SLC9B2: variants seen among roughly 807,000 people sequenced by gnomAD.
SLC9B2 encodes the protein solute carrier family 9 member B2.
A neutral mutation model predicts 52.2 loss-of-function variants in SLC9B2; 39 were observed. The observed-to-expected ratio is 0.75, with a 90% CI of 0.58 to 0.98. The LOEUF (loss-of-function observed/expected upper bound fraction) is 0.98, where lower values mean the gene tolerates loss of function less well. SLC9B2 is among the 50% of genes least tolerant of loss of function. The probability of loss-of-function intolerance (pLI) is 0.00; values close to 1 mark genes in which losing one functional copy is unlikely to be tolerated. For missense variants in SLC9B2, 626 were observed against 637.5 expected, an observed-to-expected ratio of 0.98 and a Z score of 0.19; for synonymous variants, 214 against 227.0, an observed-to-expected ratio of 0.94 and a Z score of 0.51.
At chr4:103,018,317 CCAGACTTCACCA>C (rs1251137791), downstream of SLC9B2, among the ~76,000 whole-genome samples, 1 of 152,082 alleles carries the variant, frequency 6.6e-6, no homozygotes, top group Non-Finnish European at 1.5e-5. Flanking sequence ...CTCTAAAAGC[CCAGACTTCACCA>C]CTGTGCAATA....
chr4:103,047,801 C>G (rs181850372), intron 6 of SLC9B2, among the ~76,000 whole-genome samples: 1 of 152,010 alleles, frequency 6.6e-6, no homozygotes, highest in Admixed American at 6.6e-5. Flanking sequence ...TCATTGACAA[C>G]TACAGTCTTT....
At chr4:103,056,412 T>A (rs576759072) in intron 4 of SLC9B2, among the ~76,000 whole-genome samples, 11 of 152,082 alleles carry the variant, frequency 7.2e-5, no homozygotes, top group Non-Finnish European at 1.3e-4. Context: ...CACGCCCAGC[T>A]AATTTTTTTA....
rs546807672 is a variant in SLC9B2, at chr4:103,024,731, A to G, written c.*1639T>C. On this transcript the variant is annotated 3_prime_UTR_variant, in exon 12 of 12. Coordinates refer to ENST00000394785, the MANE Select transcript of SLC9B2 (RefSeq NM_178833.7). ...TAAACACTTCAGGTACACAGATAAC[A>G]TGATAAAAACTGTAAACTGTATGTG... 2.6e-5 allele frequency among the ~76,000 whole-genome samples: 4 copies of G among 152,362 alleles called. No individual in the cohort carries two copies. The highest frequency in any genetic ancestry group is 9.6e-5 in the African/African-American group (4 of 41,592).
chr4:103,046,734 A>C (rs899741396), intron 7 of SLC9B2, among the ~76,000 whole-genome samples: 1 of 149,500 alleles, frequency 6.7e-6, no homozygotes, highest in Non-Finnish European at 1.5e-5. Context: ...TTTTGTGTGA[A>C]GTCTCCACAC....
In SLC9B2 at chr4:103,029,903, C is replaced by T. The variant is rs111818830; in HGVS notation, c.1256-1020G>A. Among the ~76,000 whole-genome samples the T allele has an allele frequency of 9.3e-3, 1,413 of 152,162 alleles. 16 individuals carry two copies. Among genetic ancestry groups the T allele is most frequent in the African/African-American group, 0.031 (1,272 of 41,526 alleles). ...AAGTAGTTTTCTCAAATTCAAAGGG[C>T]GGGTAAAACATCAGACAGACATAGC... On this transcript the variant is annotated intron_variant, in intron 10 of 11. Coordinates refer to ENST00000394785, the MANE Select transcript of SLC9B2 (RefSeq NM_178833.7).
At chr4:103,020,323 G>C, downstream of SLC9B2, 1 of 450,260 alleles carries the variant, frequency 2.2e-6, no homozygotes, top group Non-Finnish European at 4.4e-6. Context: ...GCGGAGCTGC[G>C]TTGATGGTGG....
intron 9 of SLC9B2, among the ~76,000 whole-genome samples, chr4:103,039,374 G>C (rs1315791540): frequency 6.6e-6 from 1 of 152,174 alleles, no homozygotes; most frequent in Non-Finnish European, 1.5e-5. Flanking sequence ...TGGGAAGTTA[G>C]ATAACTTGCA....
intron 9 of SLC9B2, among the ~76,000 whole-genome samples, chr4:103,039,475 T>C (rs1743443388): frequency 6.6e-6 from 1 of 151,984 alleles, no homozygotes; most frequent in South Asian, 2.1e-4. Context: ...TAGAATAAGG[T>C]AAGAAAAGGA....
intron 3 of SLC9B2, among the ~76,000 whole-genome samples, chr4:103,065,993 C>G (rs914277951): frequency 6.6e-6 from 1 of 152,122 alleles, no homozygotes; most frequent in African/African-American, 2.4e-5. Flanking sequence ...TAACAACAAA[C>G]GTTTATGTAG....
At position 103,031,743 on chromosome 4, in the gene SLC9B2, A is replaced by T. The variant is rs770521035; in HGVS notation, c.1212T>A (p.Ile404=). The change falls in exon 10 of 12, where the codon ATT becomes ATA. Residue 404 remains isoleucine, a synonymous_variant. Transcript: ENST00000394785. ...DIFQPLLFGL[I]GAEVSIASLR... ...GAGATGCAATAGATACCTCTGCTCC[A>T]ATTAGTCCAAAAAGAAGGGGCTGAA... The T allele has an allele frequency of 6.2e-6, 10 of 1,612,892 alleles. No homozygotes were observed. The South Asian group carries it at 8.8e-5, about 14-fold the overall frequency.
At chr4:103,047,026 G>A in intron 7 of SLC9B2, 25 bp downstream of exon 7, 1 of 1,604,734 alleles carries the variant, frequency 6.2e-7, no homozygotes. Flanking sequence ...CAAGAGTAAA[G>A]CCTGTTGTGA....
In SLC9B2 at chr4:103,023,736, C is replaced by T. The variant is rs1203593178; in HGVS notation, c.*2634G>A. On this transcript the variant is annotated 3_prime_UTR_variant, in exon 12 of 12. Transcript: ENST00000394785. The stretch of plus-strand genomic sequence containing the variant: ...GGTAGAAAAGAGTTTGCTGCATGAC[C>T]TCAAAATGAAAACAGGTATTGGCAG... 6.6e-6 allele frequency among the ~76,000 whole-genome samples: 1 copy of T among 152,120 alleles called. No individual in the cohort carries two copies. Among genetic ancestry groups the T allele is most frequent in the Non-Finnish European group, 1.5e-5 (1 of 68,020 alleles).
At chr4:103,056,741 G>A (rs1269210393) in intron 4 of SLC9B2, among the ~76,000 whole-genome samples, 1 of 152,192 alleles carries the variant, frequency 6.6e-6, no homozygotes, top group Non-Finnish European at 1.5e-5. Flanking sequence ...CTCACAGAAT[G>A]TTTTCACTGC....
chr4:103,062,060 A>T (rs1745690900), intron 3 of SLC9B2, among the ~76,000 whole-genome samples: 1 of 152,352 alleles, frequency 6.6e-6, no homozygotes, highest in South Asian at 2.1e-4. Context: ...CAGCTATTAT[A>T]CTAAATTATA....
In SLC9B2 at chr4:103,057,789, T is replaced by C; in HGVS notation, c.442+12A>G. 6.2e-7 allele frequency: 1 copy of C among 1,611,788 alleles called. No individual in the cohort carries two copies. Among genetic ancestry groups the C allele is most frequent in the South Asian group, 1.1e-5 (1 of 90,486 alleles). The stretch of plus-strand genomic sequence containing the variant: ...TTTACTCTGGATAGAACAGGAAACA[T>C]TTAGCACTTACCAAGAAGAGAAGGC... On this transcript the variant is annotated intron_variant, in intron 4 of 11. Transcript: ENST00000394785.
In SLC9B2 at chr4:103,024,202, AT is replaced by A. The variant is rs2110562254; in HGVS notation, c.*2167del. On this transcript the variant is annotated 3_prime_UTR_variant, in exon 12 of 12. Coordinates refer to ENST00000394785, the MANE Select transcript of SLC9B2 (RefSeq NM_178833.7). Reference sequence around the variant, plus strand: ...AATCCTTAAGGACAGGGACAATATTATTCTTGATGATGTGCCTGGATCTCAA... The same window carrying A: ...AATCCTTAAGGACAGGGACAATATTATCTTGATGATGTGCCTGGATCTCAA... Among the ~76,000 whole-genome samples the A allele has an allele frequency of 6.6e-6, 1 of 152,308 alleles. No individual in the cohort carries two copies. Among genetic ancestry groups the A allele is most frequent in the Non-Finnish European group, 1.5e-5 (1 of 68,012 alleles).
chr4:103,039,898 G>A (rs945859643), intron 9 of SLC9B2, among the ~76,000 whole-genome samples: 11 of 151,748 alleles, frequency 7.2e-5, no homozygotes, highest in South Asian at 2.1e-4. Flanking sequence ...CGCCCACTTC[G>A]TTCTCCCAAA....
In SLC9B2 at chr4:103,076,356, G is replaced by A. The variant is rs1228213483; in HGVS notation, c.-215C>T. ...CTGCAGATAAACGGTCTCAGGGCGC[G>A]GCACCGCGTGTAGTCGGCCCCGCCT... On this transcript the variant is annotated 5_prime_UTR_variant, in exon 1 of 12. Coordinates refer to ENST00000394785, the MANE Select transcript of SLC9B2 (RefSeq NM_178833.7). 4 of 152,312 alleles carry A rather than the reference G, an allele frequency of 2.6e-5. No homozygotes were observed. The highest frequency in any genetic ancestry group is 5.9e-5 in the Non-Finnish European group (4 of 68,106). The allele number at this position is 152,312 out of a possible 1,614,324, so 9.4% of individuals were successfully genotyped here. A position where few individuals can be genotyped will look rare whatever the true frequency, so the allele number is the denominator to read the frequency against.
intron 3 of SLC9B2, chr4:103,065,798 A>T (rs1368577181): frequency 6.6e-6 from 1 of 152,188 alleles, no homozygotes; most frequent in African/African-American, 2.4e-5. Flanking sequence ...AAGCCTAAAA[A>T]TTTTCAAAAT....
Sources: gnomAD v4.1 joint callset for allele counts (sites outside exome capture counted in the v4.1 genomes callset) on GRCh38, gnomAD v4.1.1 for gene constraint, MANE v1.5 for transcripts, NCBI Gene and HGNC (gene_info 2026-07-23, HGNC 2026-07-21) for gene names.